The following CPEB3 variants were observed in gnomAD, a reference collection of about 807,000 sequenced individuals.
The protein encoded by CPEB3 is cytoplasmic polyadenylation element binding protein 3, also known as cytoplasmic polyadenylation element-binding protein 3.
A neutral mutation model predicts 67.2 loss-of-function variants in CPEB3; 20 were observed. That is an observed-to-expected ratio of 0.30 (90% CI 0.21 to 0.43). CPEB3 has a LOEUF of 0.43. Ranked by LOEUF, CPEB3 falls within the 20% of genes least tolerant of loss-of-function variation. The pLI is 1.00. For synonymous variants in CPEB3, 376 were observed against 393.1 expected (o/e 0.96, Z 0.51); for missense variants, 746 against 968.6 (o/e 0.77, Z 3.05).
chr10:92,216,513 G>C, intron 2 of CPEB3: 1 of 1,612,898 alleles, frequency 6.2e-7, no homozygotes, highest in Non-Finnish European at 8.5e-7. Flanking sequence ...AAGCAGATTC[G>C]GCGCGGGGTG....
chr10:92,210,417 G>A (rs1850020924), intron 2 of CPEB3, among the ~76,000 whole-genome samples: 1 of 152,164 alleles, frequency 6.6e-6, no homozygotes, highest in Non-Finnish European at 1.5e-5. Context: ...CTATGAAACT[G>A]TGAAAAAGGA....
chr10:92,240,425 C>A, intron 1 of CPEB3, 64 bp from the exon 2 acceptor site: 2 of 1,374,728 alleles, frequency 1.5e-6, no homozygotes, highest in South Asian at 1.8e-5. Flanking sequence ...CTCGCTGAAG[C>A]GGGCGGGTGT....
At chr10:92,135,180 A>G (rs558086326) in intron 6 of CPEB3, among the ~76,000 whole-genome samples, 35 of 152,336 alleles carry the variant, frequency 2.3e-4, no homozygotes, top group Non-Finnish European at 4.9e-4. Context: ...TAATTAAACT[A>G]AAGAGCTTCT....
chr10:92,086,724 T>G (rs1334598686), intron 8 of CPEB3, among the ~76,000 whole-genome samples: 1 of 152,168 alleles, frequency 6.6e-6, no homozygotes, highest in Non-Finnish European at 1.5e-5. Flanking sequence ...TGCTTAACAT[T>G]TAAGTTGGCC....
At chr10:92,179,194 T>C (rs1848358081) in intron 4 of CPEB3, among the ~76,000 whole-genome samples, 2 of 152,094 alleles carry the variant, frequency 1.3e-5, no homozygotes, top group South Asian at 4.1e-4. Flanking sequence ...ATTGGAGAAA[T>C]TGAAGCTAAA....
At chr10:92,165,872 T>C (rs773329080) in intron 4 of CPEB3, among the ~76,000 whole-genome samples, 13 of 152,196 alleles carry the variant, frequency 8.5e-5, no homozygotes, top group Admixed American at 2.6e-4. Context: ...ATTTACACTG[T>C]ATCTGCAGTG....
At chr10:92,108,656 C>T (rs1343107651) in intron 7 of CPEB3, among the ~76,000 whole-genome samples, 2 of 152,132 alleles carry the variant, frequency 1.3e-5, no homozygotes, top group Non-Finnish European at 2.9e-5. Flanking sequence ...GATTGGCAGT[C>T]GCCATTCAGA....
chr10:92,112,066 T>C lies in CPEB3; in HGVS notation c.1454-872A>G, dbSNP rs572315892. 7.4e-4 allele frequency among the ~76,000 whole-genome samples: 113 copies of C among 151,778 alleles called. 1 individual carries two copies. Among genetic ancestry groups the C allele is most frequent in the Non-Finnish European group, 1.3e-3 (86 of 67,982 alleles). On this transcript the variant is annotated intron_variant, in intron 6 of 9. Coordinates refer to ENST00000265997, the MANE Select transcript of CPEB3 (RefSeq NM_014912.5). ...AATTCCATAAGATTTACCGAGTAAC[T>C]GATACAAGTGGGACATATCCATGGT...
intron 7 of CPEB3, among the ~76,000 whole-genome samples, chr10:92,108,102 G>A (rs1590155184): frequency 6.6e-6 from 1 of 152,174 alleles, no homozygotes; most frequent in African/African-American, 2.4e-5. Flanking sequence ...GAAAGATAAA[G>A]GGTAGAAAAT....
intron 1 of CPEB3, among the ~76,000 whole-genome samples, chr10:92,277,518 C>G (rs1842045479): frequency 6.6e-6 from 1 of 152,212 alleles, no homozygotes. Flanking sequence ...TATGCCACCA[C>G]CACACTGTCT....
At chr10:92,097,829 C>T (rs1234969260) in intron 7 of CPEB3, among the ~76,000 whole-genome samples, 1 of 151,918 alleles carries the variant, frequency 6.6e-6, no homozygotes, top group East Asian at 1.9e-4. Flanking sequence ...TTCATGGCAC[C>T]CATTAGCGTA....
intron 9 of CPEB3, among the ~76,000 whole-genome samples, chr10:92,081,082 T>C (rs1843134007): frequency 6.6e-6 from 1 of 152,172 alleles, no homozygotes; most frequent in Admixed American, 6.5e-5. Flanking sequence ...ATGCTAAATT[T>C]TGCAGGATTA....
intron 8 of CPEB3, among the ~76,000 whole-genome samples, chr10:92,085,002 T>C (rs913597730): frequency 2.0e-5 from 3 of 152,204 alleles, no homozygotes; most frequent in African/African-American, 7.2e-5. Context: ...TCATTCAGCA[T>C]ACTTTATTAA....
chr10:92,123,755 G>A (rs1199181894), intron 6 of CPEB3, among the ~76,000 whole-genome samples: 1 of 152,088 alleles, frequency 6.6e-6, no homozygotes, highest in East Asian at 1.9e-4. Flanking sequence ...TCGCCTCCCT[G>A]GACTTTAACA....
At chr10:92,158,284 T>A (rs1590262713) in intron 4 of CPEB3, among the ~76,000 whole-genome samples, 1 of 152,200 alleles carries the variant, frequency 6.6e-6, no homozygotes, top group Non-Finnish European at 1.5e-5. Flanking sequence ...GAAATTTAAC[T>A]GGATGTGGCA....
intron 6 of CPEB3, 151 bp from the exon 7 acceptor site, chr10:92,111,345 AGTTAGGTGCTCATT>A: frequency 3.0e-6 from 2 of 659,858 alleles, no homozygotes; most frequent in Non-Finnish European, 5.4e-6. Context: ...CCAGGAACTA[AGTTAGGTGCTCATT>A]GATATTACCT....
chr10:92,288,322 T>C (rs1842634229), intron 1 of CPEB3, among the ~76,000 whole-genome samples: 1 of 151,910 alleles, frequency 6.6e-6, no homozygotes, highest in Middle Eastern at 3.4e-3. Flanking sequence ...AAGCCAGACA[T>C]GGTGGTGCGC....
chr10:92,165,892 A>C (rs1847714281), intron 4 of CPEB3, among the ~76,000 whole-genome samples: 2 of 152,194 alleles, frequency 1.3e-5, no homozygotes, highest in South Asian at 4.2e-4. Context: ...GACTTTCTCT[A>C]CTGACGTTTT....
chr10:92,251,879 T>C (rs1852315693), intron 1 of CPEB3, among the ~76,000 whole-genome samples: 1 of 150,610 alleles, frequency 6.6e-6, no homozygotes, highest in South Asian at 2.1e-4. Context: ...AGGGAGAGGT[T>C]GCAGTGAGCC....
Sources: gnomAD v4.1 joint callset for allele counts (sites outside exome capture counted in the v4.1 genomes callset) on GRCh38, gnomAD v4.1.1 for gene constraint, MANE v1.5 for transcripts, NCBI Gene and HGNC (gene_info 2026-07-23, HGNC 2026-07-21) for gene names.